The following CORIN variants were observed in gnomAD, a reference collection of about 807,000 sequenced individuals.
CORIN encodes the protein atrial natriuretic peptide-converting enzyme.
Under a neutral mutation model 125.3 loss-of-function variants are expected in CORIN, and 117 were observed. The ratio of observed to expected loss-of-function variants is 0.93; its 90% CI spans 0.80 to 1.09. The LOEUF is 1.09. Ranked by LOEUF, CORIN falls within the 50% of genes least tolerant of loss-of-function variation. CORIN has a pLI of 0.00. For synonymous variants in CORIN, 450 were observed against 466.4 expected (o/e 0.96, Z 0.45); for missense variants, 1,253 against 1,306.7 (o/e 0.96, Z 0.63).
At chr4:47,752,091 C>T (rs1280104180) in intron 4 of CORIN, among the ~76,000 whole-genome samples, 1 of 152,132 alleles carries the variant, frequency 6.6e-6, no homozygotes, top group Non-Finnish European at 1.5e-5. Context: ...TCCCGGACTT[C>T]CAGATCCTCA....
chr4:47,619,212 A>G (rs1022050242), intron 19 of CORIN, among the ~76,000 whole-genome samples: 25 of 152,222 alleles, frequency 1.6e-4, no homozygotes, highest in Admixed American at 1.6e-3. Flanking sequence ...CTGGTCAACC[A>G]TCTCATGATT....
chr4:47,706,645 C>T (rs1479837613), intron 5 of CORIN: 1 of 1,609,012 alleles, frequency 6.2e-7, no homozygotes, highest in African/African-American at 1.3e-5. Context: ...TGTTAACCAG[C>T]TAAAATTTTG....
chr4:47,695,411 A>G (rs1484239153), intron 5 of CORIN, among the ~76,000 whole-genome samples: 2 of 152,238 alleles, frequency 1.3e-5, no homozygotes, highest in African/African-American at 4.8e-5. Flanking sequence ...AAAGCTCAAG[A>G]TTCAATAGCT....
intron 17 of CORIN, 88 bp from the exon 18 acceptor site, chr4:47,624,036 T>A: frequency 9.3e-7 from 1 of 1,074,052 alleles, no homozygotes; most frequent in Non-Finnish European, 1.4e-6. Flanking sequence ...ACAAGACAGC[T>A]CCAACTGTTA....
chr4:47,637,808 C>T (rs1218684186), intron 16 of CORIN, among the ~76,000 whole-genome samples: 1 of 152,184 alleles, frequency 6.6e-6, no homozygotes, highest in Admixed American at 6.6e-5. Flanking sequence ...GTCAGAGACC[C>T]CCACAAAGAA....
intron 16 of CORIN, among the ~76,000 whole-genome samples, chr4:47,638,078 G>A (rs1012566452): frequency 6.6e-6 from 1 of 152,340 alleles, no homozygotes; most frequent in Non-Finnish European, 1.5e-5. Flanking sequence ...GATCATTTTG[G>A]AGTTTTAAGA....
chr4:47,751,176 A>C (rs1728882072), intron 4 of CORIN, among the ~76,000 whole-genome samples: 1 of 152,218 alleles, frequency 6.6e-6, no homozygotes. Flanking sequence ...AGAAAATTAC[A>C]GCCATGAACT....
At chr4:47,604,315 T>G (rs1721562878) in intron 19 of CORIN, among the ~76,000 whole-genome samples, 1 of 152,228 alleles carries the variant, frequency 6.6e-6, no homozygotes, top group Admixed American at 6.5e-5. Flanking sequence ...AGTCTCCATG[T>G]TGAAATGCTC....
intron 5 of CORIN, among the ~76,000 whole-genome samples, chr4:47,717,609 T>G (rs1047005252): frequency 6.6e-6 from 1 of 152,218 alleles, no homozygotes. Flanking sequence ...TGTTTGCTTC[T>G]TTATATTTTT....
Position 47,789,068 on chromosome 4 carries a change from C to T in CORIN, c.209-2143G>A, listed in dbSNP as rs180858863. Among the ~76,000 whole-genome samples the T allele has an allele frequency of 9.2e-4, 140 of 151,860 alleles. 3 individuals are homozygous for T. The highest frequency in any genetic ancestry group is 8.5e-3 in the Admixed American group (129 of 15,242). On this transcript the variant is annotated intron_variant, in intron 2 of 21. Coordinates refer to ENST00000273857, the MANE Select transcript of CORIN (RefSeq NM_006587.4). ...CTGTAATCCCAGCACTTTGGGAGGC[C>T]GAGGCAGGTGGATCACCTGAGGTCA...
chr4:47,607,243 C>A (rs1157490342), intron 19 of CORIN, among the ~76,000 whole-genome samples: 2 of 151,986 alleles, frequency 1.3e-5, no homozygotes, highest in Non-Finnish European at 1.5e-5. Context: ...CCCGTCTCTA[C>A]TAAAAATACA....
At chr4:47,686,590 G>A (rs1725526953) in intron 6 of CORIN, among the ~76,000 whole-genome samples, 2 of 151,964 alleles carry the variant, frequency 1.3e-5, no homozygotes, top group South Asian at 4.2e-4. Context: ...TGGGGAATTC[G>A]TGCATCAAGA....
intron 4 of CORIN, among the ~76,000 whole-genome samples, chr4:47,762,022 ATAT>A (rs1167948603): frequency 6.6e-6 from 1 of 152,102 alleles, no homozygotes; most frequent in Non-Finnish European, 1.5e-5. Context: ...ATATATACAC[ATAT>A]TAATGTATAT....
chr4:47,711,266 G>A (rs908721063), intron 5 of CORIN, among the ~76,000 whole-genome samples: 26 of 152,186 alleles, frequency 1.7e-4, no homozygotes, highest in Admixed American at 7.2e-4. Flanking sequence ...AGGGACTGCC[G>A]GTTGTCATCA....
intron 13 of CORIN, among the ~76,000 whole-genome samples, chr4:47,649,985 C>G (rs1723669416): frequency 6.6e-6 from 1 of 152,154 alleles, no homozygotes; most frequent in African/African-American, 2.4e-5. Context: ...GCCAGTTAAG[C>G]CCTTCTGTGA....
intron 10 of CORIN, among the ~76,000 whole-genome samples, chr4:47,672,700 T>C (rs564657463): frequency 6.6e-6 from 1 of 152,162 alleles, no homozygotes; most frequent in Admixed American, 6.5e-5. Flanking sequence ...TTTAAATCAG[T>C]TTCTATTTAA....
intron 3 of CORIN, among the ~76,000 whole-genome samples, chr4:47,773,622 A>T (rs188423400): frequency 6.6e-6 from 1 of 152,280 alleles, no homozygotes; most frequent in African/African-American, 2.4e-5. Flanking sequence ...GACTCTGCAA[A>T]GGAAGATTTT....
chr4:47,662,721 C>T (rs1298172041), intron 11 of CORIN, among the ~76,000 whole-genome samples: 7 of 152,040 alleles, frequency 4.6e-5, no homozygotes, highest in Admixed American at 3.9e-4. Flanking sequence ...ATTTTATACA[C>T]TAATTCAACT....
chr4:47,706,755 A>C (rs1726585138), intron 5 of CORIN: 6 of 1,600,444 alleles, frequency 3.7e-6, no homozygotes, highest in African/African-American at 1.3e-5. Context: ...TCCACATACA[A>C]ATTTTTTGAG....
Sources: gnomAD v4.1 joint callset for allele counts (sites outside exome capture counted in the v4.1 genomes callset) on GRCh38, gnomAD v4.1.1 for gene constraint, MANE v1.5 for transcripts, NCBI Gene and HGNC (gene_info 2026-07-23, HGNC 2026-07-21) for gene names.